The following PIEZO2 variants were observed in gnomAD, a reference collection of about 807,000 sequenced individuals.
PIEZO2 encodes piezo type mechanosensitive ion channel component 2, also known as piezo-type mechanosensitive ion channel component 2.
Under a neutral mutation model 337.3 loss-of-function variants are expected in PIEZO2, and 172 were observed. That is an observed-to-expected ratio of 0.51 (90% confidence interval 0.45 to 0.58). PIEZO2 has a LOEUF of 0.58. Among genes scored for constraint, PIEZO2 ranks in the 20% least tolerant of loss-of-function variants. The pLI is 0.00. For synonymous variants in PIEZO2, 1,251 were observed against 1,228.5 expected (o/e 1.02, Z -0.38); for missense variants, 3,028 against 3,391.3 (o/e 0.89, Z 2.66).
intron 2 of PIEZO2, among the ~76,000 whole-genome samples, chr18:11,060,204 A>G (rs1338384440): frequency 2.0e-5 from 3 of 152,212 alleles, no homozygotes; most frequent in Non-Finnish European, 4.4e-5. Context: ...GTTCTTTGAA[A>G]CCAACGAGAA....
At position 10,716,815 on chromosome 18, in the gene PIEZO2, A is replaced by T. The variant is rs1335580111; in HGVS notation, c.5090-999T>A. ...CATCAATGAACTTTAGGAGCTCCTT[A>T]TATTTTCGACATGTATTTTCTCATA... On this transcript the variant is annotated intron_variant, in intron 37 of 55. Transcript: ENST00000674853. The surrounding 1 kb of genome is among the most constrained non-coding windows in gnomAD (Gnocchi z 4.1). 6.6e-6 allele frequency among the ~76,000 whole-genome samples: 1 copy of T among 151,764 alleles called. No individual in the cohort carries two copies. Among genetic ancestry groups the T allele is most frequent in the African/African-American group, 2.4e-5 (1 of 41,028 alleles).
intron 1 of PIEZO2, among the ~76,000 whole-genome samples, chr18:11,067,023 A>C (rs2038176408): frequency 6.6e-6 from 1 of 152,270 alleles, no homozygotes; most frequent in Admixed American, 6.5e-5. Context: ...TAGTAGATAC[A>C]AAGTAGACAA....
chr18:10,713,322 A>G lies in PIEZO2; in HGVS notation c.5423+1442T>C, dbSNP rs949268789. ...GGCTCAAATACAGGAATGCAGCAAC[A>G]GTTAATTAGCACTTTAGGGCAAAAC... On this transcript the variant is annotated intron_variant, in intron 39 of 55. Transcript: ENST00000674853. This position sits in a 1 kb window ranked among gnomAD's most constrained non-coding sequence, Gnocchi z 4.5. Among the ~76,000 whole-genome samples the G allele has an allele frequency of 5.9e-5, 9 of 152,172 alleles. No individual in the cohort carries two copies. Among genetic ancestry groups the G allele is most frequent in the African/African-American group, 2.2e-4 (9 of 41,438 alleles).
In PIEZO2 at chr18:10,729,376, A is replaced by G. The variant is rs185723006; in HGVS notation, c.5029+2031T>C. Among the ~76,000 whole-genome samples the G allele has an allele frequency of 7.3e-3, 1,110 of 152,312 alleles. 10 individuals are homozygous for G. Among genetic ancestry groups the G allele is most frequent in the South Asian group, 0.024 (116 of 4,826 alleles). On this transcript the variant is annotated intron_variant, in intron 36 of 55. Coordinates refer to ENST00000674853, the MANE Select transcript of PIEZO2 (RefSeq NM_001378183.1). ...CACAGTGGCTCACGCCTGTAATCCCAGCACTTTGGGAGACCAAGGTGGACG... is the reference window on the plus strand; with the variant it reads ...CACAGTGGCTCACGCCTGTAATCCCGGCACTTTGGGAGACCAAGGTGGACG...
rs536311791 is a variant in PIEZO2 at position 11,108,316 on chromosome 18, T to C, written c.64+40209A>G. Among the ~76,000 whole-genome samples, 8 of 152,178 alleles carry C rather than the reference T, an allele frequency of 5.3e-5. No individual in the cohort carries two copies. The South Asian group carries it at 1.7e-3, about 32-fold the overall frequency. ...AGGAAAAGCTGTTAAATGTAACATG[T>C]GTAAGAGTAACAGCCGGGGCCAGGC... On this transcript the variant is annotated intron_variant, in intron 1 of 55. Transcript: ENST00000674853.
chr18:11,141,717 C>T (rs2040653300), intron 1 of PIEZO2, among the ~76,000 whole-genome samples: 1 of 152,048 alleles, frequency 6.6e-6, no homozygotes, highest in Non-Finnish European at 1.5e-5. Flanking sequence ...GAGAAGGCCC[C>T]GGGGAGACAG....
chr18:10,675,313 C>T lies in PIEZO2; in HGVS notation c.8082-25G>A, dbSNP rs775027353. ...CCTGTACATTAAGAAAAAAAAGATACAATTACGTTTTAGTTGTTTTACCCA... is the reference window on the plus strand; with the variant it reads ...CCTGTACATTAAGAAAAAAAAGATATAATTACGTTTTAGTTGTTTTACCCA... On this transcript the variant is annotated intron_variant, in intron 53 of 55. Coordinates refer to ENST00000674853, the MANE Select transcript of PIEZO2 (RefSeq NM_001378183.1). The T allele has an allele frequency of 5.7e-5, 78 of 1,376,048 alleles. No homozygotes were observed. In the Middle Eastern group the frequency reaches 9.4e-4, roughly 17 times the overall value. 85.2% of individuals were successfully genotyped at this position (1,376,048 alleles called of 1,614,324 possible).
Position 10,741,119 on chromosome 18 carries a change from C to T in PIEZO2, c.4637-17G>A, listed in dbSNP as rs2037203196. 1.3e-6 allele frequency: 2 copies of T among 1,529,428 alleles called. No homozygotes were observed. The highest frequency in any genetic ancestry group is 4.9e-5 in the East Asian group (2 of 40,840). The allele number at this position is 1,529,428 out of a possible 1,614,324, so 94.7% of individuals were successfully genotyped here. A position where few individuals can be genotyped will look rare whatever the true frequency, so the allele number is the denominator to read the frequency against. ...CTGCTTCTCCTAAAATAAAATACGTCCACATATTAATTCGTATAAAGTGAG... is the reference window on the plus strand; with the variant it reads ...CTGCTTCTCCTAAAATAAAATACGTTCACATATTAATTCGTATAAAGTGAG... On this transcript the variant is annotated splice_polypyrimidine_tract_variant and intron_variant, in intron 32 of 55. Coordinates refer to ENST00000674853, the MANE Select transcript of PIEZO2 (RefSeq NM_001378183.1).
intron 2 of PIEZO2, among the ~76,000 whole-genome samples, chr18:11,022,726 A>C (rs1050631570): frequency 6.6e-6 from 1 of 152,212 alleles, no homozygotes; most frequent in African/African-American, 2.4e-5. Flanking sequence ...GTTCGTAAAA[A>C]CTATAAAATA....
Position 10,846,698 on chromosome 18 carries a change from A to G in PIEZO2, c.917+8655T>C, listed in dbSNP as rs935269911. 6.6e-6 allele frequency among the ~76,000 whole-genome samples: 1 copy of G among 152,144 alleles called. No individual in the cohort carries two copies. The highest frequency in any genetic ancestry group is 6.5e-5 in the Admixed American group (1 of 15,280). ...AAGTTTGCACAGAATAATTGCCTAC[A>G]AGATAATTTTCCTTCCTTATAAAGG... On this transcript the variant is annotated intron_variant, in intron 7 of 55. Transcript: ENST00000674853. This position sits in a 1 kb window ranked among gnomAD's most constrained non-coding sequence, Gnocchi z 4.1.
At chr18:10,733,802 T>C (rs949907727) in intron 35 of PIEZO2, among the ~76,000 whole-genome samples, 5 of 152,126 alleles carry the variant, frequency 3.3e-5, no homozygotes, top group African/African-American at 1.2e-4. Context: ...TGGATGCGCC[T>C]CTCTGGAAAA....
chr18:11,117,103 C>T lies in PIEZO2; in HGVS notation c.64+31422G>A, dbSNP rs187810397. 3.3e-5 allele frequency among the ~76,000 whole-genome samples: 5 copies of T among 152,024 alleles called. No homozygotes were observed. The South Asian group carries it at 8.3e-4, about 25-fold the overall frequency. On this transcript the variant is annotated intron_variant, in intron 1 of 55. Coordinates refer to ENST00000674853, the MANE Select transcript of PIEZO2 (RefSeq NM_001378183.1). ...CCTGGGCAACAGAGCAAGATTCTGT[C>T]CCCCCCACAAAAAAATTGTGTATTT...
In PIEZO2 at chr18:11,094,194, TTC is replaced by T. The variant is rs2039193571; in HGVS notation, c.65-27974_65-27973del. 1.3e-5 allele frequency among the ~76,000 whole-genome samples: 2 copies of T among 152,074 alleles called. No individual in the cohort carries two copies. Among genetic ancestry groups the T allele is most frequent in the African/African-American group, 4.8e-5 (2 of 41,424 alleles). On this transcript the variant is annotated intron_variant, in intron 1 of 55. Transcript: ENST00000674853. This position sits in a 1 kb window ranked among gnomAD's most constrained non-coding sequence, Gnocchi z 4.4. Reference sequence around the variant, plus strand: ...AGGTTTCATCATGTTGGCCAGGCTCTTCTCTCTACTGTGATAATTTGATTAGC... The same window carrying T: ...AGGTTTCATCATGTTGGCCAGGCTCTTCTCTACTGTGATAATTTGATTAGC...
chr18:11,079,969 G>C (rs1234760394), intron 1 of PIEZO2, among the ~76,000 whole-genome samples: 4 of 152,148 alleles, frequency 2.6e-5, no homozygotes, highest in Non-Finnish European at 5.9e-5. Flanking sequence ...TTTATAGTAG[G>C]ACTGACCTAT....
intron 17 of PIEZO2, among the ~76,000 whole-genome samples, chr18:10,782,336 A>T (rs12456997): frequency 0.29 from 6,475 of 22,266 alleles, 492 homozygotes; most frequent in East Asian, 0.4. Flanking sequence ...ATTATATATA[A>T]ATAATTATAA....
At position 10,726,623 on chromosome 18, in the gene PIEZO2, GCT is replaced by G. The variant is rs778940790; in HGVS notation, c.5029+4782_5029+4783del. Reference sequence around the variant, plus strand: ...CGCTACGTGCGGGACGCCGACGTGCGCTGGGAGTACTGCGCGCGCGCCAAGCG... The same window carrying G: ...CGCTACGTGCGGGACGCCGACGTGCGGGGAGTACTGCGCGCGCGCCAAGCG... On this transcript the variant is annotated intron_variant, in intron 36 of 55. Coordinates refer to ENST00000674853, the MANE Select transcript of PIEZO2 (RefSeq NM_001378183.1). The surrounding 1 kb of genome is among the most constrained non-coding windows in gnomAD (Gnocchi z 5.9). 2.9e-5 allele frequency: 21 copies of G among 717,168 alleles called. No homozygotes were observed. The highest frequency in any genetic ancestry group is 3.5e-5 in the Non-Finnish European group (20 of 572,778). 44.4% of individuals were successfully genotyped at this position (717,168 alleles called of 1,614,324 possible). A position where few individuals can be genotyped will look rare whatever the true frequency, so the allele number is the denominator to read the frequency against.
intron 2 of PIEZO2, among the ~76,000 whole-genome samples, chr18:11,019,830 T>C (rs1263063546): frequency 2.6e-5 from 4 of 152,190 alleles, no homozygotes; most frequent in Non-Finnish European, 5.9e-5. Flanking sequence ...TTAATAGTAC[T>C]AATGACAATC....
chr18:10,733,203 T>A (rs2036856072), intron 35 of PIEZO2, among the ~76,000 whole-genome samples: 1 of 152,132 alleles, frequency 6.6e-6, no homozygotes, highest in Admixed American at 6.5e-5. Context: ...AAGAAGCATG[T>A]CAGTGCTGCC....
chr18:11,124,083 A>C (rs936850475), intron 1 of PIEZO2, among the ~76,000 whole-genome samples: 2 of 152,230 alleles, frequency 1.3e-5, no homozygotes, highest in South Asian at 4.1e-4. Flanking sequence ...AAATACAAAA[A>C]ACTAACCAGA....
Sources: allele counts gnomAD v4.1 joint callset (sites outside exome capture counted in the v4.1 genomes callset), GRCh38; gene constraint gnomAD v4.1.1; non-coding constraint Gnocchi (gnomAD v3.1); transcripts MANE v1.5; gene names NCBI Gene and HGNC (gene_info 2026-07-23, HGNC 2026-07-21).